DLG2: variants seen among roughly 807,000 people sequenced by gnomAD.
DLG2 encodes the protein discs large MAGUK scaffold protein 2.
In DLG2, 45 loss-of-function variants were observed where a neutral mutation model predicts 132.5. That is an observed-to-expected ratio of 0.34 (90% CI 0.27 to 0.44). The LOEUF (loss-of-function observed/expected upper bound fraction) is 0.44, where lower values mean the gene tolerates loss of function less well. DLG2 is among the 20% of genes least tolerant of loss of function. The probability of loss-of-function intolerance (pLI) is 1.00; values close to 1 mark genes in which losing one functional copy is unlikely to be tolerated. For synonymous variants in DLG2, 424 were observed against 419.6 expected (o/e 1.01, Z -0.13); for missense variants, 1,045 against 1,196.9 (o/e 0.87, Z 1.87).
intron 6 of DLG2, among the ~76,000 whole-genome samples, chr11:84,987,692 G>A (rs1035141114): frequency 6.6e-6 from 1 of 152,186 alleles, no homozygotes; most frequent in East Asian, 1.9e-4. Context: ...TCAACAAACA[G>A]TGCTGGGATA....
At chr11:84,777,271 A>ATGTGTGTGTG (rs1168148650) in intron 6 of DLG2, among the ~76,000 whole-genome samples, 10 of 117,998 alleles carry the variant, frequency 8.5e-5, no homozygotes, top group African/African-American at 2.9e-4. Context: ...GTGTATGTAT[A>ATGTGTGTGTG]TGTGTGTGTG....
chr11:83,466,615 G>A (rs1278670052), intron 26 of DLG2, 93 bp downstream of exon 26: 2 of 655,366 alleles, frequency 3.1e-6, no homozygotes, highest in Non-Finnish European at 5.4e-6. Context: ...TTTCCCATTT[G>A]TAAGCATTCC....
intron 6 of DLG2, among the ~76,000 whole-genome samples, chr11:84,731,353 A>C (rs2063128299): frequency 6.6e-6 from 1 of 152,038 alleles, no homozygotes; most frequent in Non-Finnish European, 1.5e-5. Context: ...TGCTGGCCTC[A>C]TGGAGATTAC....
chr11:84,609,695 T>G (rs2099592009), intron 6 of DLG2, among the ~76,000 whole-genome samples: 1 of 152,146 alleles, frequency 6.6e-6, no homozygotes, highest in Non-Finnish European at 1.5e-5. Flanking sequence ...TCAAATAGGA[T>G]TATCAGATTC....
intron 3 of DLG2, among the ~76,000 whole-genome samples, chr11:85,343,365 TCC>T (rs987488494): frequency 6.6e-6 from 1 of 152,182 alleles, no homozygotes; most frequent in Non-Finnish European, 1.5e-5. Flanking sequence ...CCCCTATATT[TCC>T]TCTTTGTTTA....
intron 21 of DLG2, among the ~76,000 whole-genome samples, chr11:83,522,322 G>C (rs2095501878): frequency 1.7e-5 from 1 of 58,108 alleles, no homozygotes; most frequent in Non-Finnish European, 3.3e-5. Context: ...ATATGTATGT[G>C]TGTGGTGTGT....
chr11:84,931,672 T>C (rs1354589448), intron 6 of DLG2, among the ~76,000 whole-genome samples: 2 of 152,214 alleles, frequency 1.3e-5, no homozygotes, highest in African/African-American at 4.8e-5. Flanking sequence ...CTTGAGGTCT[T>C]TGAGGAAATG....
At chr11:85,404,338 G>A (rs1314680198) in intron 3 of DLG2, among the ~76,000 whole-genome samples, 1 of 151,952 alleles carries the variant, frequency 6.6e-6, no homozygotes, top group Non-Finnish European at 1.5e-5. Context: ...CTACTGAATG[G>A]ATTAAAAGAA....
chr11:84,238,288 G>A (rs1470688705), intron 8 of DLG2, among the ~76,000 whole-genome samples: 2 of 151,952 alleles, frequency 1.3e-5, no homozygotes, highest in African/African-American at 2.4e-5. Context: ...GCCGAGGTGT[G>A]CGGATTGCTT....
intron 17 of DLG2, among the ~76,000 whole-genome samples, chr11:83,830,976 G>A (rs183151003): frequency 8.3e-4 from 126 of 152,294 alleles, no homozygotes; most frequent in Non-Finnish European, 2.4e-4. Flanking sequence ...ATGAAGATAC[G>A]TTAGTATGCT....
At chr11:83,831,466 C>A (rs1011483452) in intron 17 of DLG2, among the ~76,000 whole-genome samples, 2 of 151,856 alleles carry the variant, frequency 1.3e-5, no homozygotes, top group Admixed American at 1.3e-4. Flanking sequence ...TTTCCGGACA[C>A]CTTACTAAAG....
At chr11:84,375,736 T>G (rs541385790) in intron 7 of DLG2, among the ~76,000 whole-genome samples, 2 of 152,150 alleles carry the variant, frequency 1.3e-5, no homozygotes, top group South Asian at 4.1e-4. Context: ...GGCTAGATCC[T>G]TGCTACCTAA....
chr11:84,575,310 G>A (rs996206059), intron 6 of DLG2, among the ~76,000 whole-genome samples: 1 of 151,874 alleles, frequency 6.6e-6, no homozygotes, highest in African/African-American at 2.4e-5. Flanking sequence ...AGTTCCTCCT[G>A]ATTGTGCATG....
chr11:85,451,784 A>G (rs992138199), intron 3 of DLG2, among the ~76,000 whole-genome samples: 9 of 152,178 alleles, frequency 5.9e-5, no homozygotes, highest in African/African-American at 1.7e-4. Flanking sequence ...TCTTGGCCCC[A>G]AGCAATCCTC....
intron 5 of DLG2, among the ~76,000 whole-genome samples, chr11:85,139,713 T>C (rs2076343754): frequency 6.6e-6 from 1 of 152,070 alleles, no homozygotes; most frequent in Admixed American, 6.6e-5. Context: ...CCTCATGGTG[T>C]ACATTAGCTC....
intron 13 of DLG2, among the ~76,000 whole-genome samples, chr11:83,964,929 T>C (rs2089844260): frequency 6.6e-6 from 1 of 152,022 alleles, no homozygotes; most frequent in Admixed American, 6.6e-5. Flanking sequence ...ATCATAGAGC[T>C]ACCTCTGGTC....
intron 6 of DLG2, among the ~76,000 whole-genome samples, chr11:84,918,517 C>A (rs139021204): frequency 6.6e-6 from 1 of 152,024 alleles, no homozygotes; most frequent in Non-Finnish European, 1.5e-5. Context: ...AGAAAATGAT[C>A]GGGGCAGAGA....
intron 17 of DLG2, chr11:83,790,600 T>G: frequency 7.6e-7 from 1 of 1,322,896 alleles, no homozygotes; most frequent in Non-Finnish European, 1.1e-6. Context: ...GTAAGTCCAC[T>G]GAAGTTCCTT....
chr11:83,798,742 C>G (rs1049482371), intron 17 of DLG2, among the ~76,000 whole-genome samples: 1 of 152,094 alleles, frequency 6.6e-6, no homozygotes, highest in African/African-American at 2.4e-5. Flanking sequence ...CTACTTTATT[C>G]AGAGAGACCA....
Sources: allele counts gnomAD v4.1 joint callset (sites outside exome capture counted in the v4.1 genomes callset), GRCh38; gene constraint gnomAD v4.1.1; transcripts MANE v1.5; gene names NCBI Gene and HGNC (gene_info 2026-07-23, HGNC 2026-07-21).